Variants in SCAND3 observed in about 807,000 individuals in gnomAD.
SCAND3 encodes the protein SCAN domain containing 3.
the SCAND3 span, chr6:28,575,522 G>A: frequency 6.2e-7 from 1 of 1,613,686 alleles, no homozygotes; most frequent in Non-Finnish European, 8.5e-7. This position sits in a 1 kb window ranked among gnomAD's most constrained non-coding sequence, Gnocchi z 4.2. Context: ...TCTTGATAAT[G>A]CAAAATAAAT....
At chr6:28,602,933 C>A in the SCAND3 span, among the ~76,000 whole-genome samples, 1 of 149,838 alleles carries the variant, frequency 6.7e-6, no homozygotes, top group Non-Finnish European at 1.5e-5. Context: ...TGGGATTTAC[C>A]CATTTATAGC....
At chr6:28,614,253 C>A in the SCAND3 span, among the ~76,000 whole-genome samples, 2,240 of 152,100 alleles carry the variant, frequency 0.015, 32 homozygotes, top group African/African-American at 0.042. Flanking sequence ...CGTGAGCCAC[C>A]GCGCCTGGCA....
At chr6:28,587,108 C>T in the SCAND3 span, 4 of 187,434 alleles carry the variant, frequency 2.1e-5, no homozygotes, top group Non-Finnish European at 4.4e-5. Context: ...GCAGCCTGGG[C>T]GAGGGCGGAG....
chr6:28,571,952 C>T, the SCAND3 span: 4 of 1,613,218 alleles, frequency 2.5e-6, no homozygotes, highest in Non-Finnish European at 3.4e-6. Flanking sequence ...GTTAATTTGT[C>T]TAATCTAGGT....
the SCAND3 span, chr6:28,575,162 G>T: frequency 6.2e-7 from 1 of 1,614,082 alleles, no homozygotes; most frequent in Non-Finnish European, 8.5e-7. The surrounding 1 kb of genome is among the most constrained non-coding windows in gnomAD (Gnocchi z 4.2). Context: ...GGAGTCTGTT[G>T]CATGCTTCTG....
the SCAND3 span, among the ~76,000 whole-genome samples, chr6:28,606,082 T>A: frequency 1.3e-5 from 2 of 152,094 alleles, no homozygotes; most frequent in African/African-American, 4.8e-5. Context: ...AATGTTAAAT[T>A]TACAAAAGTT....
At chr6:28,596,910 T>C in the SCAND3 span, among the ~76,000 whole-genome samples, 1 of 152,190 alleles carries the variant, frequency 6.6e-6, no homozygotes, top group Non-Finnish European at 1.5e-5. Context: ...ACCTGCAAAA[T>C]ATAGTATCAA....
chr6:28,573,712 G>A, the SCAND3 span: 1 of 1,609,116 alleles, frequency 6.2e-7, no homozygotes, highest in Non-Finnish European at 8.5e-7. Flanking sequence ...AACTCTTTTG[G>A]TTTTCCCTTC....
chr6:28,582,404 A>C, the SCAND3 span, among the ~76,000 whole-genome samples: 1 of 152,192 alleles, frequency 6.6e-6, no homozygotes, highest in Non-Finnish European at 1.5e-5. The surrounding 1 kb of genome is among the most constrained non-coding windows in gnomAD (Gnocchi z 4.8). Context: ...GGGGAAAAAA[A>C]CTACAGTATT....
At chr6:28,573,937 AAAGTT>A in the SCAND3 span, 28 of 1,280,564 alleles carry the variant, frequency 2.2e-5, no homozygotes, top group Non-Finnish European at 2.6e-5. Flanking sequence ...AAATTATTTT[AAAGTT>A]AAGTTATAAA....
At chr6:28,595,195 C>CAA in the SCAND3 span, among the ~76,000 whole-genome samples, 151 of 16,114 alleles carry the variant, frequency 9.4e-3, 32 homozygotes, top group African/African-American at 0.019. Flanking sequence ...CCGTCACTAC[C>CAA]AAAAAAAAAA....
chr6:28,572,000 T>C, the SCAND3 span: 1 of 1,614,066 alleles, frequency 6.2e-7, no homozygotes, highest in South Asian at 1.1e-5. Flanking sequence ...GGATAATGTA[T>C]ATTTAAACTG....
At chr6:28,586,457 G>T in the SCAND3 span, 1 of 1,614,210 alleles carries the variant, frequency 6.2e-7, no homozygotes, top group South Asian at 1.1e-5. This position sits in a 1 kb window ranked among gnomAD's most constrained non-coding sequence, Gnocchi z 4.4. Context: ...TCTGCTCCTT[G>T]GTATGTATCT....
chr6:28,582,396 G>A, the SCAND3 span, among the ~76,000 whole-genome samples: 1 of 151,954 alleles, frequency 6.6e-6, no homozygotes, highest in Non-Finnish European at 1.5e-5. The surrounding 1 kb of genome is among the most constrained non-coding windows in gnomAD (Gnocchi z 4.8). Context: ...ATCTTAAGGG[G>A]GAAAAAAACT....
At chr6:28,576,614 G>A in the SCAND3 span, among the ~76,000 whole-genome samples, 26 of 152,096 alleles carry the variant, frequency 1.7e-4, no homozygotes, top group South Asian at 4.2e-3. Flanking sequence ...AATGAAGAGC[G>A]TAAATGAAAC....
At chr6:28,585,418 A>C in the SCAND3 span, 2 of 152,236 alleles carry the variant, frequency 1.3e-5, no homozygotes, top group Non-Finnish European at 2.9e-5. Context: ...GGAATTATGT[A>C]CAGTACTGTA....
At chr6:28,591,880 T>G in the SCAND3 span, 3 of 152,206 alleles carry the variant, frequency 2.0e-5, no homozygotes, top group African/African-American at 7.2e-5. Context: ...AGAAGATGTG[T>G]TCAGAATAGA....
At chr6:28,582,869 C>T in the SCAND3 span, among the ~76,000 whole-genome samples, 1 of 151,834 alleles carries the variant, frequency 6.6e-6, no homozygotes, top group Admixed American at 6.6e-5. The surrounding 1 kb of genome is among the most constrained non-coding windows in gnomAD (Gnocchi z 4.8). Context: ...TTGCAGTGAG[C>T]CAAGATCCTG....
the SCAND3 span, among the ~76,000 whole-genome samples, chr6:28,581,638 T>TGGC: frequency 6.6e-6 from 1 of 152,160 alleles, no homozygotes; most frequent in Non-Finnish European, 1.5e-5. Flanking sequence ...GGTCAGAAGA[T>TGGC]GGCCAGATAT....
Sources: allele counts gnomAD v4.1 joint callset (sites outside exome capture counted in the v4.1 genomes callset), GRCh38; gene constraint gnomAD v4.1.1; non-coding constraint Gnocchi (gnomAD v3.1); transcripts MANE v1.5; gene names NCBI Gene and HGNC (gene_info 2026-07-23, HGNC 2026-07-21).